FRAS1: variants seen among roughly 807,000 people sequenced by gnomAD.
FRAS1 encodes Fraser extracellular matrix complex subunit 1, also known as extracellular matrix organizing protein FRAS1.
A neutral mutation model predicts 435.2 loss-of-function variants in FRAS1; 290 were observed. The observed-to-expected ratio is 0.67, with a 90% CI of 0.61 to 0.73. FRAS1 has a LOEUF of 0.73. FRAS1 is among the 30% of genes least tolerant of loss of function. The pLI, the probability that FRAS1 is intolerant of heterozygous loss-of-function variation, is 0.00. For synonymous variants in FRAS1, 1,800 were observed against 1,851.0 expected (o/e 0.97, Z 0.71); for missense variants, 4,860 against 5,001.5 (o/e 0.97, Z 0.85).
chr4:78,250,756 G>T (rs1269409229), intron 4 of FRAS1, among the ~76,000 whole-genome samples: 4 of 152,140 alleles, frequency 2.6e-5, no homozygotes, highest in African/African-American at 9.7e-5. Flanking sequence ...CTTTGTGTGT[G>T]AGAGAATTTC....
At chr4:78,506,676 A>C (rs1578363671) in intron 61 of FRAS1, among the ~76,000 whole-genome samples, 1 of 152,032 alleles carries the variant, frequency 6.6e-6, no homozygotes, top group Non-Finnish European at 1.5e-5. Context: ...CTTGGCTAGG[A>C]AAAGGAAATC....
At position 78,363,992 on chromosome 4, in the gene FRAS1, C is replaced by T; in HGVS notation, c.2660C>T (p.Thr887Ile). 6.2e-7 allele frequency: 1 copy of T among 1,610,422 alleles called. No individual in the cohort carries two copies. The highest frequency in any genetic ancestry group is 1.3e-5 in the African/African-American group (1 of 75,010). ...SCDTNLVLSH[T>I]GTCSTTCFPG... ...GACACCAACCTCGTGCTGTCCCACA[C>T]TGGCACCTGCAGCACCACCTGCTTC... Residue 887 changes from threonine (T) to isoleucine (I), a missense_variant, in exon 22 of 74, where the codon ACT (threonine) becomes ATT (isoleucine). By Grantham distance (89) the Thr-to-Ile change is moderately conservative. Transcript: ENST00000512123.
chr4:78,459,018 T>A (rs1005898364), intron 47 of FRAS1, among the ~76,000 whole-genome samples: 1 of 152,224 alleles, frequency 6.6e-6, no homozygotes, highest in African/African-American at 2.4e-5. Flanking sequence ...TGTTTGGACA[T>A]TAGAATCACC....
chr4:78,067,860 A>ATTTTTTTTTT (rs35606977), intron 2 of FRAS1, among the ~76,000 whole-genome samples: 1 of 134,406 alleles, frequency 7.4e-6, no homozygotes, highest in Non-Finnish European at 1.6e-5. Context: ...CACCCAGCCA[A>ATTTTTTTTTT]TTTTTTTTTT....
At chr4:78,321,796 A>T (rs1729517821) in intron 18 of FRAS1, among the ~76,000 whole-genome samples, 1 of 149,930 alleles carries the variant, frequency 6.7e-6, no homozygotes, top group Admixed American at 6.7e-5. Context: ...GTGAGCTGAG[A>T]TCACACCATT....
Position 78,464,025 on chromosome 4 carries a change from C to G in FRAS1, c.6768C>G (p.Ile2256Met), listed in dbSNP as rs752084357. 3 of 1,612,856 alleles carry G rather than the reference C, an allele frequency of 1.9e-6. No individual in the cohort carries two copies. The South Asian group carries it at 3.3e-5, about 18-fold the overall frequency. ...GHLEHAASPG[I>M]QISSFTQADL... ...TCTCTTTTCCCCTTTTTCTAGGTATCCAGATTAGTTCCTTTACTCAAGCTG... is the reference window on the plus strand; with the variant it reads ...TCTCTTTTCCCCTTTTTCTAGGTATGCAGATTAGTTCCTTTACTCAAGCTG... The change falls in exon 48 of 74, where the codon ATC (isoleucine) becomes ATG (methionine). Residue 2256 changes from isoleucine to methionine, a missense_variant. Transcript: ENST00000512123.
intron 32 of FRAS1, 91 bp from the exon 33 acceptor site, chr4:78,418,858 A>G (rs1327989956): frequency 1.0e-5 from 7 of 695,958 alleles, no homozygotes; most frequent in Non-Finnish European, 1.5e-5. Context: ...AAAAGCCCAG[A>G]GCAATTTTTT....
At chr4:78,456,491 C>T (rs1234600795) in intron 47 of FRAS1, among the ~76,000 whole-genome samples, 1 of 152,080 alleles carries the variant, frequency 6.6e-6, no homozygotes, top group Non-Finnish European at 1.5e-5. Context: ...GCATGCAAAG[C>T]TGTGAGGTGG....
intron 2 of FRAS1, among the ~76,000 whole-genome samples, chr4:78,211,166 A>G (rs1339410325): frequency 6.6e-6 from 1 of 152,088 alleles, no homozygotes; most frequent in Non-Finnish European, 1.5e-5. Context: ...TTCAGAAGGG[A>G]GTGGGTTATA....
intron 15 of FRAS1, among the ~76,000 whole-genome samples, chr4:78,311,462 C>T (rs532042187): frequency 2.0e-4 from 31 of 152,246 alleles, no homozygotes; most frequent in Admixed American, 1.5e-3. Flanking sequence ...TCATATTACC[C>T]ATCCACGCTC....
At chr4:78,190,115 T>C (rs1722464996) in intron 2 of FRAS1, among the ~76,000 whole-genome samples, 1 of 152,212 alleles carries the variant, frequency 6.6e-6, no homozygotes, top group Admixed American at 6.5e-5. Flanking sequence ...TTCTGATGCT[T>C]TTCTGGTGCA....
intron 18 of FRAS1, among the ~76,000 whole-genome samples, chr4:78,327,551 G>C (rs1729769172): frequency 2.0e-5 from 3 of 152,154 alleles, no homozygotes; most frequent in Admixed American, 6.5e-5. Flanking sequence ...AGTCAGGTTG[G>C]CTGGACTTTA....
chr4:78,198,658 A>G (rs1030150949), intron 2 of FRAS1, among the ~76,000 whole-genome samples: 3 of 152,146 alleles, frequency 2.0e-5, no homozygotes, highest in South Asian at 2.1e-4. Context: ...ATGGGTTTCA[A>G]CTGAGTGGCT....
intron 14 of FRAS1, among the ~76,000 whole-genome samples, chr4:78,299,192 T>G (rs965900220): frequency 6.6e-6 from 1 of 152,142 alleles, no homozygotes; most frequent in Non-Finnish European, 1.5e-5. Context: ...CAAGGGGAGA[T>G]AGTGGAAGAT....
intron 27 of FRAS1, 138 bp downstream of exon 27, chr4:78,380,134 A>C: frequency 2.3e-6 from 2 of 879,500 alleles, no homozygotes; most frequent in African/African-American, 1.7e-5. Context: ...AAGCCCAAAT[A>C]CTCTCAGCTG....
rs951540023 is a variant in FRAS1 at position 78,432,237 on chromosome 4, C to T, written c.4970-120C>T. ...ATAGTAGGTGAGTGGTTGGATTAGC[C>T]TGTAACTCCCTGAGTTATGATCCTA... On this transcript the variant is annotated intron_variant, in intron 37 of 73. Transcript: ENST00000512123. 4.2e-6 allele frequency: 4 copies of T among 950,262 alleles called. No homozygotes were observed. In the African/African-American group the frequency reaches 6.6e-5, roughly 16 times the overall value. The allele number at this position is 950,262 out of a possible 1,614,324, so 58.9% of individuals were successfully genotyped here. A position where few individuals can be genotyped will look rare whatever the true frequency, so the allele number is the denominator to read the frequency against.
At chr4:78,300,514 C>G (rs1234384793) in intron 14 of FRAS1, among the ~76,000 whole-genome samples, 1 of 152,078 alleles carries the variant, frequency 6.6e-6, no homozygotes, top group East Asian at 1.9e-4. Context: ...CCCAACTAGT[C>G]CAAGTCCCCT....
At chr4:78,094,262 G>A (rs554034998) in intron 2 of FRAS1, among the ~76,000 whole-genome samples, 40 of 151,648 alleles carry the variant, frequency 2.6e-4, no homozygotes, top group East Asian at 5.8e-4. Flanking sequence ...AATGGATTTC[G>A]GATAAATTTC....
At position 78,136,207 on chromosome 4, in the gene FRAS1, C is replaced by T. The variant is rs557121423; in HGVS notation, c.108+70191C>T. ...TTTAAGAGTGAAGTCACACAAAAAG[C>T]ACAACATTGTGAAAAACAGGACACT... On this transcript the variant is annotated intron_variant, in intron 2 of 73. Transcript: ENST00000512123. Among the ~76,000 whole-genome samples, 3 of 152,238 alleles carry T rather than the reference C, an allele frequency of 2.0e-5. 1 individual carries two copies. The South Asian group carries it at 6.2e-4, about 32-fold the overall frequency.
Sources: gnomAD v4.1 joint callset for allele counts (sites outside exome capture counted in the v4.1 genomes callset) on GRCh38, gnomAD v4.1.1 for gene constraint, MANE v1.5 for transcripts, NCBI Gene and HGNC (gene_info 2026-07-23, HGNC 2026-07-21) for gene names.